The following THSD7B variants were observed in gnomAD, a reference collection of about 807,000 sequenced individuals.
THSD7B encodes the protein thrombospondin type-1 domain-containing protein 7B.
A neutral mutation model predicts 213.6 loss-of-function variants in THSD7B; 138 were observed. The observed-to-expected ratio is 0.65, with a 90% confidence interval of 0.56 to 0.74. The LOEUF (loss-of-function observed/expected upper bound fraction) is 0.74. THSD7B is among the 30% of genes least tolerant of loss of function. The pLI is 0.00. For synonymous variants in THSD7B, 742 were observed against 687.0 expected (o/e 1.08, Z -1.25); for missense variants, 1,931 against 1,991.5 (o/e 0.97, Z 0.58).
At chr2:137,507,935 T>G (rs1371926269) in intron 15 of THSD7B, among the ~76,000 whole-genome samples, 1 of 152,218 alleles carries the variant, frequency 6.6e-6, no homozygotes. Flanking sequence ...AAATTCTGTC[T>G]CCTCTAAGTG....
intron 12 of THSD7B, among the ~76,000 whole-genome samples, chr2:137,381,441 A>G (rs945087103): frequency 6.6e-6 from 1 of 152,138 alleles, no homozygotes; most frequent in Non-Finnish European, 1.5e-5. Context: ...ATTTCAGAAA[A>G]AGAGTTAGAA....
At chr2:137,519,251 A>AAATAAAT (rs1553456924) in intron 15 of THSD7B, among the ~76,000 whole-genome samples, 3 of 149,134 alleles carry the variant, frequency 2.0e-5, no homozygotes, top group Non-Finnish European at 4.4e-5. Flanking sequence ...ACTCCATCTC[A>AAATAAAT]AAATAAATAA....
intron 1 of THSD7B, among the ~76,000 whole-genome samples, chr2:136,781,961 A>G (rs186872442): frequency 6.6e-6 from 1 of 152,326 alleles, no homozygotes; most frequent in Admixed American, 6.5e-5. Flanking sequence ...CAGAATGAAA[A>G]TCCACAGGGC....
At chr2:137,486,382 A>G (rs955952766) in intron 15 of THSD7B, among the ~76,000 whole-genome samples, 19 of 150,728 alleles carry the variant, frequency 1.3e-4, no homozygotes, top group Non-Finnish European at 2.4e-4. Flanking sequence ...ACCAACAAAG[A>G]TCAAAAGAGA....
At chr2:137,467,315 A>C (rs1688015300) in intron 15 of THSD7B, among the ~76,000 whole-genome samples, 1 of 152,132 alleles carries the variant, frequency 6.6e-6, no homozygotes, top group Non-Finnish European at 1.5e-5. Context: ...CCTGGAATAC[A>C]TTTGTTATAT....
chr2:137,006,721 A>G (rs1686121532), intron 2 of THSD7B, among the ~76,000 whole-genome samples: 2 of 152,240 alleles, frequency 1.3e-5, no homozygotes, highest in African/African-American at 4.8e-5. Flanking sequence ...TGAATATTGT[A>G]TATCTCATTT....
At position 137,676,762 on chromosome 2, in the gene THSD7B, A is replaced by G. The variant is rs180700916; in HGVS notation, c.*157A>G. On this transcript the variant is annotated 3_prime_UTR_variant, in exon 28 of 28. Coordinates refer to ENST00000409968, the MANE Select transcript of THSD7B (RefSeq NM_001316349.2). ...AATATTGCCTCAACTTCATTTGGAC[A>G]TGGAGTCAAGGATTATTAGGTCTGC... 1.4e-4 allele frequency: 84 copies of G among 590,126 alleles called. 1 individual carries two copies. The East Asian group carries it at 2.1e-3, about 14-fold the overall frequency. The allele number at this position is 590,126 out of a possible 1,614,324, so 36.6% of individuals were successfully genotyped here.
chr2:137,007,046 G>A (rs1686128016), intron 2 of THSD7B, among the ~76,000 whole-genome samples: 1 of 152,068 alleles, frequency 6.6e-6, no homozygotes, highest in African/African-American at 2.4e-5. Flanking sequence ...TAATATTAGG[G>A]TCATCTTAGT....
intron 19 of THSD7B, among the ~76,000 whole-genome samples, chr2:137,619,492 C>T (rs1682472966): frequency 1.3e-5 from 2 of 152,188 alleles, no homozygotes; most frequent in Admixed American, 1.3e-4. Flanking sequence ...AATTCTGAAA[C>T]TGACTGATAC....
At chr2:136,780,496 A>T (rs1387325160) in intron 1 of THSD7B, among the ~76,000 whole-genome samples, 1 of 152,170 alleles carries the variant, frequency 6.6e-6, no homozygotes, top group Non-Finnish European at 1.5e-5. Context: ...TTCTCTTTCT[A>T]TCTCTGTCCT....
intron 20 of THSD7B, among the ~76,000 whole-genome samples, chr2:137,641,745 A>G (rs1325551987): frequency 6.6e-6 from 1 of 152,198 alleles, no homozygotes; most frequent in Non-Finnish European, 1.5e-5. Context: ...ATTTTTACTA[A>G]TCAATTGTCT....
chr2:137,136,073 G>C lies in THSD7B; in HGVS notation c.1369+20780G>C, dbSNP rs543991956. On this transcript the variant is annotated intron_variant, in intron 5 of 27. Coordinates refer to ENST00000409968, the MANE Select transcript of THSD7B (RefSeq NM_001316349.2). ...AAGAACAGGAAATTAAACACCACAT[G>C]TTCTTACTCATAAGTGGGAATTGAA... Among the ~76,000 whole-genome samples the C allele has an allele frequency of 6.6e-4, 100 of 152,170 alleles. 2 individuals carry two copies. The highest frequency in any genetic ancestry group is 2.4e-3 in the African/African-American group (99 of 41,518).
chr2:137,624,690 A>C (rs1164524537), intron 20 of THSD7B, among the ~76,000 whole-genome samples: 1 of 152,230 alleles, frequency 6.6e-6, no homozygotes, highest in African/African-American at 2.4e-5. Context: ...TTCTCAAAAG[A>C]AGATATTTAT....
intron 2 of THSD7B, among the ~76,000 whole-genome samples, chr2:136,958,228 G>T (rs1050273482): frequency 6.6e-6 from 1 of 152,162 alleles, no homozygotes; most frequent in Non-Finnish European, 1.5e-5. Context: ...TGACGCTAAA[G>T]ATTTCTATGA....
chr2:137,438,777 G>C (rs1687341319), intron 14 of THSD7B, among the ~76,000 whole-genome samples: 1 of 152,000 alleles, frequency 6.6e-6, no homozygotes, highest in African/African-American at 2.4e-5. Context: ...GTTGAATTTT[G>C]TCCCCACAAA....
At chr2:137,114,380 G>A (rs1688407982) in intron 4 of THSD7B, among the ~76,000 whole-genome samples, 1 of 152,170 alleles carries the variant, frequency 6.6e-6, no homozygotes, top group Non-Finnish European at 1.5e-5. Context: ...TAGTGTGATA[G>A]TTGTTTTGTT....
At chr2:137,410,967 A>G (rs1686639272) in intron 13 of THSD7B, among the ~76,000 whole-genome samples, 1 of 152,366 alleles carries the variant, frequency 6.6e-6, no homozygotes, top group Non-Finnish European at 1.5e-5. Context: ...TTACTCAGAG[A>G]TAGGACCAAA....
At chr2:137,587,164 C>T (rs1301692642) in intron 17 of THSD7B, among the ~76,000 whole-genome samples, 5 of 152,160 alleles carry the variant, frequency 3.3e-5, no homozygotes, top group East Asian at 1.9e-4. Context: ...ACGTAGTTCT[C>T]GTGCCATGGT....
intron 2 of THSD7B, among the ~76,000 whole-genome samples, chr2:136,891,608 C>T (rs1326391553): frequency 6.6e-6 from 1 of 152,164 alleles, no homozygotes; most frequent in Non-Finnish European, 1.5e-5. Flanking sequence ...AGGCTCCGCT[C>T]CCTGTGTCCA....
Sources: allele counts gnomAD v4.1 joint callset (sites outside exome capture counted in the v4.1 genomes callset), GRCh38; gene constraint gnomAD v4.1.1; transcripts MANE v1.5; gene names NCBI Gene and HGNC (gene_info 2026-07-23, HGNC 2026-07-21).